GFRAL: variants seen among roughly 807,000 people sequenced by gnomAD.
The protein encoded by GFRAL is GDNF family receptor alpha like, also known as GDNF family receptor alpha-like.
Under a neutral mutation model 45.4 loss-of-function variants are expected in GFRAL, and 36 were observed. The ratio of observed to expected loss-of-function variants is 0.79; its 90% confidence interval spans 0.61 to 1.05. GFRAL has a LOEUF of 1.05. GFRAL is among the 50% of genes least tolerant of loss of function. The pLI is 0.00. For synonymous variants in GFRAL, 166 were observed against 154.1 expected (o/e 1.08, Z -0.57); for missense variants, 507 against 467.5 (o/e 1.08, Z -0.78).
chr6:55,372,171 G>A (rs755497816), intron 6 of GFRAL, among the ~76,000 whole-genome samples: 3 of 152,134 alleles, frequency 2.0e-5, no homozygotes. Context: ...TGATCACCCT[G>A]AATGCTCCTC....
In GFRAL at chr6:55,351,362, TC is replaced by T; in HGVS notation, c.482del (p.Pro161ArgfsTer4). The T allele has an allele frequency of 6.2e-7, 1 of 1,613,602 alleles. No homozygotes were observed. Among genetic ancestry groups the T allele is most frequent in the Non-Finnish European group, 8.5e-7 (1 of 1,179,692 alleles). On this transcript the variant is annotated frameshift_variant, in exon 5 of 9. Coordinates refer to ENST00000340465, the MANE Select transcript of GFRAL (RefSeq NM_207410.2). LOFTEE classifies it high-confidence loss of function. The stretch of plus-strand genomic sequence containing the variant: ...TTAAAGCTTGCTCAGCAAATGGAAA[TC>T]CGTGTGATCTGAAACAGTGCCAAGC... Reference protein sequence around the residue: ...YLKACSANGNPCDLKQCQAAI... With the variant: ...YLKACSANGNXCDLKQCQAAI...
At chr6:55,397,598 A>G (rs890911735) in intron 6 of GFRAL, among the ~76,000 whole-genome samples, 1 of 150,946 alleles carries the variant, frequency 6.6e-6, no homozygotes, top group African/African-American at 2.4e-5. Flanking sequence ...GAGTTTTCTA[A>G]TGACAAAATC....
chr6:55,346,031 T>G (rs2127353691), intron 3 of GFRAL, among the ~76,000 whole-genome samples: 2 of 152,132 alleles, frequency 1.3e-5, no homozygotes, highest in South Asian at 4.1e-4. Context: ...CATTAAAAAA[T>G]CAGGAAACAA....
intron 6 of GFRAL, among the ~76,000 whole-genome samples, chr6:55,368,584 T>A (rs1385638375): frequency 6.6e-6 from 1 of 152,156 alleles, no homozygotes; most frequent in African/African-American, 2.4e-5. Flanking sequence ...TATCTACTTT[T>A]GGTCTTTGAT....
intron 3 of GFRAL, 48 bp downstream of exon 3, chr6:55,333,992 A>T (rs1351643779): frequency 1.7e-6 from 2 of 1,164,714 alleles, no homozygotes; most frequent in Admixed American, 5.1e-5. Flanking sequence ...AAAGAAAGCA[A>T]CAATTTCAAA....
chr6:55,332,768 T>C (rs1767847205), intron 2 of GFRAL, among the ~76,000 whole-genome samples: 2 of 152,252 alleles, frequency 1.3e-5, no homozygotes, highest in African/African-American at 4.8e-5. Flanking sequence ...AATATTCAAG[T>C]AGCTAAATAA....
chr6:55,373,298 A>G (rs1023897715), intron 6 of GFRAL, among the ~76,000 whole-genome samples: 2 of 152,150 alleles, frequency 1.3e-5, no homozygotes, highest in East Asian at 3.9e-4. Context: ...TTCCACGGCC[A>G]TATCTGAAAT....
At chr6:55,364,226 T>C (rs1227059160) in intron 6 of GFRAL, among the ~76,000 whole-genome samples, 7 of 151,578 alleles carry the variant, frequency 4.6e-5, no homozygotes, top group Non-Finnish European at 1.0e-4. Flanking sequence ...TTTGGCTGCA[T>C]AAATGTCTTC....
intron 3 of GFRAL, among the ~76,000 whole-genome samples, chr6:55,342,594 G>A (rs6459074): frequency 0.49 from 73,918 of 151,602 alleles, 19,563 homozygotes; most frequent in Non-Finnish European, 0.61. Flanking sequence ...AAAGACCATC[G>A]ATGTTAGGAA....
chr6:55,387,418 T>G (rs1768693901), intron 6 of GFRAL, among the ~76,000 whole-genome samples: 1 of 152,192 alleles, frequency 6.6e-6, no homozygotes, highest in Non-Finnish European at 1.5e-5. Context: ...TGTGAAGTCA[T>G]AAAAATCATT....
At chr6:55,338,594 A>G (rs1275774223) in intron 3 of GFRAL, among the ~76,000 whole-genome samples, 1 of 152,156 alleles carries the variant, frequency 6.6e-6, no homozygotes, top group East Asian at 1.9e-4. Context: ...ACACACAGAC[A>G]AAGTACTAGA....
At chr6:55,336,839 T>A (rs1767896833) in intron 3 of GFRAL, among the ~76,000 whole-genome samples, 1 of 151,622 alleles carries the variant, frequency 6.6e-6, no homozygotes, top group Non-Finnish European at 1.5e-5. Context: ...CCATAAAGAG[T>A]GTGTGTGTGT....
Position 55,399,202 on chromosome 6 carries a change from C to A in GFRAL, c.975C>A (p.Val325=). ...CAGATTATCCAACCCTGTCTAATGT[C>A]AAAGGCATGGCATTGTATACAAGAA... ...SCFNYPTLSN[V]KGMALYTRKH... is the part of the protein sequence containing the mutation. The change falls in exon 7 of 9, where the codon GTC becomes GTA. Residue 325 remains valine, a synonymous_variant. Transcript: ENST00000340465. 2 of 1,595,976 alleles carry A rather than the reference C, an allele frequency of 1.3e-6. No individual in the cohort carries two copies. Among genetic ancestry groups the A allele is most frequent in the Middle Eastern group, 1.8e-4 (1 of 5,650 alleles).
At chr6:55,343,016 G>A (rs1320237098) in intron 3 of GFRAL, among the ~76,000 whole-genome samples, 1 of 152,114 alleles carries the variant, frequency 6.6e-6, no homozygotes, top group Non-Finnish European at 1.5e-5. Flanking sequence ...GGAGCACCCA[G>A]ATTCATAAAG....
In GFRAL at chr6:55,351,461, A is replaced by G; in HGVS notation, c.579A>G (p.Gln193=). 1 of 1,613,684 alleles carries G rather than the reference A, an allele frequency of 6.2e-7. No individual in the cohort carries two copies. Residue 193 remains glutamine, a synonymous_variant, in exon 5 of 9, where the codon CAA becomes CAG. Coordinates refer to ENST00000340465, the MANE Select transcript of GFRAL (RefSeq NM_207410.2). Reference sequence around the variant, plus strand: ...TGTTGGCTTTTTGTGACTGTGCTCAATCTGATATACCTTGTCAGCAGTCCA... The same window carrying G: ...TGTTGGCTTTTTGTGACTGTGCTCAGTCTGATATACCTTGTCAGCAGTCCA... The part of the protein sequence containing the change: ...AQMLAFCDCA[Q]SDIPCQQSKE...
rs536107054 is a variant in GFRAL, at chr6:55,341,973, A to C, written c.316+8029A>C. Among the ~76,000 whole-genome samples the C allele has an allele frequency of 1.2e-4, 18 of 152,274 alleles. No homozygotes were observed. The South Asian group carries it at 3.7e-3, about 32-fold the overall frequency. On this transcript the variant is annotated intron_variant, in intron 3 of 8. Transcript: ENST00000340465. ...GGAAGCGAGAAGAGAAGTTTAGAGA[A>C]AAAAAGAGTAAAAAGAAATGAACAA...
Position 55,351,355 on chromosome 6 carries a change from A to G in GFRAL, c.473A>G (p.Asn158Ser), listed in dbSNP as rs1460099184. 8 of 1,613,590 alleles carry G rather than the reference A, an allele frequency of 5.0e-6. No homozygotes were observed. Among genetic ancestry groups the G allele is most frequent in the Non-Finnish European group, 6.8e-6 (8 of 1,179,784 alleles). The change falls in exon 5 of 9, where the codon AAT becomes AGT. Residue 158 changes from asparagine (N) to serine (S), a missense_variant. Asn to Ser is a conservative substitution (Grantham distance 46). Coordinates refer to ENST00000340465, the MANE Select transcript of GFRAL (RefSeq NM_207410.2). ...TCTTACCTTAAAGCTTGCTCAGCAA[A>G]TGGAAATCCGTGTGATCTGAAACAG... ...LASYLKACSA[N>S]GNPCDLKQCQ...
chr6:55,347,730 G>T (rs1768062333), intron 3 of GFRAL, among the ~76,000 whole-genome samples: 1 of 152,136 alleles, frequency 6.6e-6, no homozygotes, highest in Non-Finnish European at 1.5e-5. Context: ...CTACAGGGAA[G>T]TGAGGCTAGA....
At chr6:55,329,526 T>C (rs1419529964) in intron 1 of GFRAL, among the ~76,000 whole-genome samples, 1 of 152,150 alleles carries the variant, frequency 6.6e-6, no homozygotes, top group Non-Finnish European at 1.5e-5. Context: ...AGTTTATGAC[T>C]TCAAATTTCT....
Sources: allele counts gnomAD v4.1 joint callset (sites outside exome capture counted in the v4.1 genomes callset), GRCh38; gene constraint gnomAD v4.1.1; transcripts MANE v1.5; gene names NCBI Gene and HGNC (gene_info 2026-07-23, HGNC 2026-07-21).